Variants in WWTR1 observed in about 807,000 individuals in gnomAD.
The protein encoded by WWTR1 is WW domain containing transcription regulator 1, also known as WW domain-containing transcription regulator protein 1.
A neutral mutation model predicts 40.1 loss-of-function variants in WWTR1; 13 were observed. The observed-to-expected ratio is 0.32, with a 90% confidence interval of 0.21 to 0.52. The LOEUF is 0.52. WWTR1 is among the 20% of genes least tolerant of loss of function. The pLI, the probability that WWTR1 is intolerant of heterozygous loss-of-function variation, is 0.97. For synonymous variants in WWTR1, 230 were observed against 210.1 expected, an observed-to-expected ratio of 1.09 and a Z score of -0.82; for missense variants, 436 against 523.1, an observed-to-expected ratio of 0.83 and a Z score of 1.63.
chr3:149,699,834 T>G (rs927026655), intron 1 of WWTR1, among the ~76,000 whole-genome samples: 4 of 152,208 alleles, frequency 2.6e-5, no homozygotes, highest in Non-Finnish European at 5.9e-5. Context: ...TGTCTTCTTC[T>G]GAGCCCTCCA....
intron 2 of WWTR1, among the ~76,000 whole-genome samples, chr3:149,613,641 G>A (rs978250462): frequency 6.6e-6 from 1 of 152,090 alleles, no homozygotes; most frequent in East Asian, 1.9e-4. Context: ...GACCCTCCCT[G>A]AGTTCAAGTG....
intron 2 of WWTR1, among the ~76,000 whole-genome samples, chr3:149,638,615 C>T (rs113258182): frequency 0.017 from 2,529 of 151,696 alleles, 72 homozygotes; most frequent in African/African-American, 0.058. Flanking sequence ...TCTTTTTTCT[C>T]TCTCCATCCT....
chr3:149,653,942 T>C (rs914950444), intron 2 of WWTR1, among the ~76,000 whole-genome samples: 1 of 152,114 alleles, frequency 6.6e-6, no homozygotes, highest in African/African-American at 2.4e-5. Flanking sequence ...TTCCAACTTA[T>C]AAAGCTCTCA....
intron 2 of WWTR1, chr3:149,576,172 G>A (rs1302306459): frequency 2.4e-5 from 11 of 449,100 alleles, no homozygotes; most frequent in Admixed American, 4.7e-5. Flanking sequence ...GTAAGGCTGC[G>A]CTAACATGGT....
At chr3:149,628,747 A>T (rs1316491168) in intron 2 of WWTR1, among the ~76,000 whole-genome samples, 1 of 46,440 alleles carries the variant, frequency 2.2e-5, no homozygotes, top group South Asian at 8.3e-4. Flanking sequence ...TTTTTATTTT[A>T]TTTTATTTTA....
At position 149,573,005 on chromosome 3, in the gene WWTR1, A is replaced by G; in HGVS notation, c.432-5T>C. On this transcript the variant is annotated splice_region_variant and splice_polypyrimidine_tract_variant and intron_variant, in intron 2 of 6. Coordinates refer to ENST00000360632, the MANE Select transcript of WWTR1 (RefSeq NM_015472.6). ...GTGGTGATTTTTTCTATGTGACTAA[A>G]AGAAGGAAAACAATTAATTATCTTT... is the stretch of plus-strand genomic sequence containing the variant. 6.3e-7 allele frequency: 1 copy of G among 1,583,864 alleles called. No homozygotes were observed. The highest frequency in any genetic ancestry group is 8.5e-7 in the Non-Finnish European group (1 of 1,171,500).
At chr3:149,529,228 T>C (rs1165397642) in intron 4 of WWTR1, among the ~76,000 whole-genome samples, 1 of 152,190 alleles carries the variant, frequency 6.6e-6, no homozygotes, top group African/African-American at 2.4e-5. Context: ...ATGGCTACAA[T>C]GGCAAACAGA....
intron 2 of WWTR1, among the ~76,000 whole-genome samples, chr3:149,581,702 G>T (rs903030768): frequency 6.6e-6 from 1 of 152,150 alleles, no homozygotes; most frequent in African/African-American, 2.4e-5. Context: ...TAACTACCAG[G>T]CTCTAATCCT....
intron 2 of WWTR1, among the ~76,000 whole-genome samples, chr3:149,636,966 G>GAAAAAAAA (rs397950107): frequency 1.4e-4 from 6 of 43,306 alleles, no homozygotes; most frequent in African/African-American, 3.9e-4. Flanking sequence ...TGTCTCAAGT[G>GAAAAAAAA]AAAAAAAAAA....
chr3:149,576,803 A>T (rs1382699960), intron 2 of WWTR1, among the ~76,000 whole-genome samples: 1 of 152,108 alleles, frequency 6.6e-6, no homozygotes, highest in East Asian at 1.9e-4. Flanking sequence ...TTTAGCAGTG[A>T]TTATGTATTG....
chr3:149,686,350 A>G (rs1250669699), intron 1 of WWTR1, among the ~76,000 whole-genome samples: 1 of 152,190 alleles, frequency 6.6e-6, no homozygotes, highest in East Asian at 1.9e-4. Context: ...TTCCTTAGGT[A>G]TCCTTTAAGA....
intron 2 of WWTR1, among the ~76,000 whole-genome samples, chr3:149,613,367 A>G (rs1229429862): frequency 1.3e-5 from 2 of 152,168 alleles, no homozygotes; most frequent in African/African-American, 4.8e-5. Flanking sequence ...ATCAGTAATG[A>G]GAATGCAGAG....
intron 3 of WWTR1, among the ~76,000 whole-genome samples, chr3:149,562,163 C>T (rs576075165): frequency 3.3e-5 from 5 of 152,004 alleles, no homozygotes; most frequent in East Asian, 3.9e-4. Flanking sequence ...GGCATGGTGG[C>T]GTGTGCCTGT....
chr3:149,707,590 A>G (rs79208778), upstream of WWTR1, among the ~76,000 whole-genome samples: 631 of 152,230 alleles, frequency 4.1e-3, 5 homozygotes, highest in African/African-American at 0.015. Context: ...AAATTAAGCA[A>G]TTCCCTTTCC....
At chr3:149,622,569 G>A (rs866468363) in intron 2 of WWTR1, among the ~76,000 whole-genome samples, 2 of 149,070 alleles carry the variant, frequency 1.3e-5, no homozygotes, top group African/African-American at 2.5e-5. Flanking sequence ...GTGAGCGTGC[G>A]TCCAGGCGCA....
At chr3:149,606,271 C>T (rs1234185980) in intron 2 of WWTR1, among the ~76,000 whole-genome samples, 1 of 152,192 alleles carries the variant, frequency 6.6e-6, no homozygotes, top group Non-Finnish European at 1.5e-5. Flanking sequence ...TTATTTCATG[C>T]ATATGTATTT....
chr3:149,628,757 ATTTTATTTTAT>A (rs1274748988), intron 2 of WWTR1, among the ~76,000 whole-genome samples: 1 of 150,172 alleles, frequency 6.7e-6, no homozygotes, highest in Non-Finnish European at 1.5e-5. Flanking sequence ...ATTTTATTTT[ATTTTATTTTAT>A]TTTATTTTAT....
At chr3:149,568,244 G>C (rs1258526921) in intron 3 of WWTR1, among the ~76,000 whole-genome samples, 1 of 147,774 alleles carries the variant, frequency 6.8e-6, no homozygotes, top group Admixed American at 6.6e-5. Context: ...AAATTAGCTG[G>C]GTGTGGTGGC....
At position 149,713,933 on chromosome 3, in the gene WWTR1, G is replaced by A. The variant is rs551384795; in HGVS notation, n.584+3509C>T. Among the ~76,000 whole-genome samples, 22 of 152,328 alleles carry A rather than the reference G, an allele frequency of 1.4e-4. No individual in the cohort carries two copies. In the East Asian group the frequency reaches 4.3e-3, roughly 29 times the overall value. On this transcript the variant is annotated intron_variant and non_coding_transcript_variant, in intron 5 of 6. Transcript: ENST00000474080. ...CTGCTGCTCTGGACCCTGGCCCCAC[G>A]TCGCTGCTTTTGCTGGCCACCACTG... is the stretch of plus-strand genomic sequence containing the variant.
Sources: allele counts gnomAD v4.1 joint callset (sites outside exome capture counted in the v4.1 genomes callset), GRCh38; gene constraint gnomAD v4.1.1; transcripts MANE v1.5; gene names NCBI Gene and HGNC (gene_info 2026-07-23, HGNC 2026-07-21).